TRHDE: variants seen among roughly 807,000 people sequenced by gnomAD.
TRHDE encodes thyrotropin-releasing hormone-degrading ectoenzyme.
A neutral mutation model predicts 125.7 loss-of-function variants in TRHDE; 72 were observed. The ratio of observed to expected loss-of-function variants is 0.57; its 90% CI spans 0.47 to 0.70. The LOEUF (loss-of-function observed/expected upper bound fraction) is 0.70. TRHDE is among the 30% of genes least tolerant of loss of function. The pLI is 0.00. For missense variants in TRHDE, 1,110 were observed against 1,327.1 expected (o/e 0.84, Z 2.54); for synonymous variants, 509 against 509.1 (o/e 1.00, Z 0.00).
intron 3 of TRHDE, among the ~76,000 whole-genome samples, chr12:72,409,729 G>T (rs1193247500): frequency 2.0e-5 from 3 of 152,172 alleles, no homozygotes; most frequent in African/African-American, 7.2e-5. Flanking sequence ...GAAGGAAAAT[G>T]ATCCCAGAGG....
At chr12:72,470,766 G>A (rs376198676) in intron 4 of TRHDE, among the ~76,000 whole-genome samples, 18 of 151,138 alleles carry the variant, frequency 1.2e-4, no homozygotes, top group Middle Eastern at 3.4e-3. Context: ...GAAAAATGCC[G>A]TCAGTGAAAG....
chr12:72,209,269 G>T (rs1335817640), intron 2 of TRHDE, among the ~76,000 whole-genome samples: 1 of 152,142 alleles, frequency 6.6e-6, no homozygotes, highest in African/African-American at 2.4e-5. Context: ...GTCTTCTTGA[G>T]GACACTCTCC....
chr12:72,623,472 G>A (rs189425946), intron 15 of TRHDE, among the ~76,000 whole-genome samples: 171 of 152,026 alleles, frequency 1.1e-3, no homozygotes, highest in African/African-American at 2.9e-3. Context: ...ATAGCTGTTG[G>A]GGAAAATGCT....
intron 12 of TRHDE, among the ~76,000 whole-genome samples, chr12:72,618,154 C>A (rs1032838545): frequency 3.9e-5 from 6 of 152,066 alleles, no homozygotes; most frequent in Non-Finnish European, 8.8e-5. Context: ...TTTTTGGCTC[C>A]TTTTCTTGAT....
intron 2 of TRHDE, among the ~76,000 whole-genome samples, chr12:72,346,319 C>T (rs1488437980): frequency 1.3e-5 from 2 of 151,998 alleles, no homozygotes; most frequent in Non-Finnish European, 2.9e-5. Flanking sequence ...GGGTAGAGAC[C>T]TTTACTCAGG....
intron 15 of TRHDE, among the ~76,000 whole-genome samples, chr12:72,623,402 A>T (rs778453430): frequency 1.4e-4 from 21 of 152,072 alleles, no homozygotes; most frequent in Admixed American, 6.6e-4. Flanking sequence ...ACACCATTGC[A>T]TCACCATAAT....
intron 15 of TRHDE, among the ~76,000 whole-genome samples, chr12:72,649,456 T>C (rs1215584504): frequency 3.3e-5 from 5 of 151,940 alleles, no homozygotes; most frequent in Non-Finnish European, 2.9e-5. Context: ...CTTAAAGAAA[T>C]CATAGGGGAA....
intron 2 of TRHDE, among the ~76,000 whole-genome samples, chr12:72,290,048 G>A (rs887260340): frequency 1.3e-4 from 20 of 152,188 alleles, no homozygotes; most frequent in South Asian, 2.1e-4. Context: ...ACGTATTCAC[G>A]AATTGCTTTG....
In TRHDE at chr12:72,447,910, T is replaced by A. The variant is rs116108824; in HGVS notation, c.1316-21848T>A. Among the ~76,000 whole-genome samples the A allele has an allele frequency of 3.9e-3, 587 of 152,144 alleles. 2 individuals carry two copies. The highest frequency in any genetic ancestry group is 0.013 in the African/African-American group (532 of 41,536). On this transcript the variant is annotated intron_variant, in intron 3 of 18. Coordinates refer to ENST00000261180, the MANE Select transcript of TRHDE (RefSeq NM_013381.3). ...ACATTACCTGAATGTTCAATAGCTC[T>A]CTTGTCAGAAAAAATTTATAACTGT...
chr12:72,130,263 G>A (rs926675865), intron 2 of TRHDE, among the ~76,000 whole-genome samples: 15 of 152,260 alleles, frequency 9.9e-5, no homozygotes, highest in African/African-American at 3.4e-4. Context: ...AGATCACACC[G>A]CTGCCCTCCA....
At chr12:72,141,395 A>G (rs58100233) in intron 2 of TRHDE, among the ~76,000 whole-genome samples, 11,365 of 152,182 alleles carry the variant, frequency 0.075, 735 homozygotes, top group African/African-American at 0.17. Context: ...TGCCCCGATA[A>G]CCACAGAGAA....
intron 2 of TRHDE, among the ~76,000 whole-genome samples, chr12:72,362,451 T>C (rs1871141903): frequency 2.0e-5 from 3 of 152,052 alleles, no homozygotes; most frequent in Non-Finnish European, 4.4e-5. Flanking sequence ...TCATTGTAGA[T>C]TCTGGATACT....
chr12:72,637,657 C>T (rs1408527360), intron 15 of TRHDE, among the ~76,000 whole-genome samples: 3 of 152,064 alleles, frequency 2.0e-5, no homozygotes, highest in African/African-American at 7.2e-5. Flanking sequence ...ATAAATTTGC[C>T]TCTACACACT....
intron 3 of TRHDE, among the ~76,000 whole-genome samples, chr12:72,436,776 G>A (rs933497482): frequency 6.6e-6 from 1 of 151,680 alleles, no homozygotes; most frequent in Non-Finnish European, 1.5e-5. Flanking sequence ...CATTCTGTTT[G>A]GTGCTTTCCA....
intron 2 of TRHDE, among the ~76,000 whole-genome samples, chr12:72,239,821 A>G (rs1044376377): frequency 3.9e-5 from 6 of 152,234 alleles, no homozygotes; most frequent in Non-Finnish European, 1.5e-5. Flanking sequence ...GAATAGATCA[A>G]GTCTGAGGAC....
In TRHDE at chr12:72,259,615, T is replaced by C. The variant is rs1375967854; in HGVS notation, n.280-118380T>C. 2.0e-5 allele frequency among the ~76,000 whole-genome samples: 3 copies of C among 152,316 alleles called. No homozygotes were observed. In the South Asian group the frequency reaches 6.2e-4, roughly 32 times the overall value. ...GTCATATATATTTATATATCCACTC[T>C]TCCAATTCCAATCTAATAACACATC... On this transcript the variant is annotated intron_variant and non_coding_transcript_variant, in intron 2 of 4. Coordinates refer to the TRHDE transcript ENST00000548156.
intron 3 of TRHDE, among the ~76,000 whole-genome samples, chr12:72,406,694 A>C (rs74845004): frequency 0.034 from 5,188 of 152,238 alleles, 116 homozygotes; most frequent in Middle Eastern, 0.061. Context: ...GTTTTTATAA[A>C]TTAGTGATTA....
chr12:72,382,514 C>T (rs750568519), intron 3 of TRHDE, among the ~76,000 whole-genome samples: 1 of 152,108 alleles, frequency 6.6e-6, no homozygotes, highest in Non-Finnish European at 1.5e-5. Flanking sequence ...GGCATTCTTA[C>T]CTCACAAATT....
At chr12:72,461,092 G>A (rs924530173) in intron 3 of TRHDE, among the ~76,000 whole-genome samples, 1 of 152,160 alleles carries the variant, frequency 6.6e-6, no homozygotes, top group African/African-American at 2.4e-5. Context: ...TGCTAATTCA[G>A]GAGAATGCTA....
Sources: gnomAD v4.1 joint callset for allele counts (sites outside exome capture counted in the v4.1 genomes callset) on GRCh38, gnomAD v4.1.1 for gene constraint, MANE v1.5 for transcripts, NCBI Gene and HGNC (gene_info 2026-07-23, HGNC 2026-07-21) for gene names.